The following GABRB1 variants were observed in gnomAD, a reference collection of about 807,000 sequenced individuals.
The protein encoded by GABRB1 is gamma-aminobutyric acid type A receptor subunit beta1, also known as gamma-aminobutyric acid receptor subunit beta-1.
Under a neutral mutation model 51.6 loss-of-function variants are expected in GABRB1, and 17 were observed. That is an observed-to-expected ratio of 0.33 (90% CI 0.23 to 0.49). GABRB1 has a LOEUF of 0.49. Ranked by LOEUF, GABRB1 falls within the 20% of genes least tolerant of loss-of-function variation. The pLI, the probability that GABRB1 is intolerant of heterozygous loss-of-function variation, is 0.99. For missense variants in GABRB1, 410 were observed against 600.6 expected, an observed-to-expected ratio of 0.68 and a Z score of 3.32; for synonymous variants, 247 against 218.9, an observed-to-expected ratio of 1.13 and a Z score of -1.14.
chr4:47,216,644 T>C (rs903545236), intron 4 of GABRB1, among the ~76,000 whole-genome samples: 1 of 152,010 alleles, frequency 6.6e-6, no homozygotes. Flanking sequence ...TGGCAAATAG[T>C]CGTATGATAA....
chr4:47,035,533 A>G (rs1419567936), intron 3 of GABRB1, among the ~76,000 whole-genome samples: 1 of 152,194 alleles, frequency 6.6e-6, no homozygotes, highest in Non-Finnish European at 1.5e-5. Context: ...GATAGCAACT[A>G]CATACTGTTA....
rs570950005 is a variant in GABRB1, at chr4:47,121,405, G to T, written c.241-39844G>T. On this transcript the variant is annotated intron_variant, in intron 3 of 8. Transcript: ENST00000295454. ...TACTCTCTTCAGTGTCTCTTTCAGC[G>T]ATATGAAGTTAAAAAACCAAGTACT... Among the ~76,000 whole-genome samples, 6 of 152,260 alleles carry T rather than the reference G, an allele frequency of 3.9e-5. No homozygotes were observed. The South Asian group carries it at 1.2e-3, about 32-fold the overall frequency.
intron 5 of GABRB1, among the ~76,000 whole-genome samples, chr4:47,328,162 G>GT (rs1430526812): frequency 4.6e-5 from 7 of 151,806 alleles, no homozygotes; most frequent in Admixed American, 2.6e-4. Context: ...GGGGTTGTTT[G>GT]TTTTTTTTCT....
At chr4:47,274,132 C>T (rs1722983866) in intron 4 of GABRB1, among the ~76,000 whole-genome samples, 1 of 152,078 alleles carries the variant, frequency 6.6e-6, no homozygotes, top group Non-Finnish European at 1.5e-5. Flanking sequence ...GCAAGAAAAA[C>T]CCAAATTCCT....
At chr4:47,294,002 G>A (rs750110275) in intron 4 of GABRB1, among the ~76,000 whole-genome samples, 5 of 152,042 alleles carry the variant, frequency 3.3e-5, no homozygotes, top group Admixed American at 3.3e-4. Context: ...TCATTAACAT[G>A]CCCCAAAGCT....
intron 4 of GABRB1, among the ~76,000 whole-genome samples, chr4:47,178,633 A>G (rs576141856): frequency 3.0e-4 from 45 of 152,282 alleles, no homozygotes; most frequent in African/African-American, 1.0e-3. Flanking sequence ...TGCTGAAAAT[A>G]TAAAGAGTCA....
intron 4 of GABRB1, among the ~76,000 whole-genome samples, chr4:47,244,849 G>A (rs940889500): frequency 2.0e-5 from 3 of 152,168 alleles, no homozygotes; most frequent in African/African-American, 7.2e-5. Context: ...AAAGCAGTGT[G>A]TACAGGGAAA....
At chr4:47,425,390 C>CACACAT (rs1296462048) in intron 8 of GABRB1, among the ~76,000 whole-genome samples, 9 of 151,046 alleles carry the variant, frequency 6.0e-5, no homozygotes, top group African/African-American at 1.5e-4. Context: ...CACACACACA[C>CACACAT]ACACACACAC....
intron 3 of GABRB1, among the ~76,000 whole-genome samples, chr4:47,065,714 T>C (rs572496033): frequency 5.5e-4 from 84 of 152,294 alleles, no homozygotes; most frequent in Middle Eastern, 3.4e-3. Context: ...GAACAACTGA[T>C]GGCTGTTATG....
chr4:47,033,270 G>A (rs1483904286), intron 3 of GABRB1, among the ~76,000 whole-genome samples: 1 of 152,204 alleles, frequency 6.6e-6, no homozygotes, highest in Non-Finnish European at 1.5e-5. Flanking sequence ...TTTCAAAGGG[G>A]TCAACATTCT....
In GABRB1 at chr4:47,031,624, A is replaced by T; in HGVS notation, c.-28A>T. The T allele has an allele frequency of 6.3e-7, 1 of 1,581,544 alleles. No homozygotes were observed. Among genetic ancestry groups the T allele is most frequent in the Non-Finnish European group, 8.7e-7 (1 of 1,150,670 alleles). On this transcript the variant is annotated 5_prime_UTR_variant, in exon 1 of 9. Transcript: ENST00000295454. ...TTGCATTCCTTGAATCTTCGCAGAAAAGACAATTCTTTTAATCAGAGTTAG... is the reference window on the plus strand; with the variant it reads ...TTGCATTCCTTGAATCTTCGCAGAATAGACAATTCTTTTAATCAGAGTTAG...
chr4:47,189,926 T>C (rs558429354), intron 4 of GABRB1, among the ~76,000 whole-genome samples: 136 of 152,130 alleles, frequency 8.9e-4, no homozygotes, highest in African/African-American at 3.2e-3. Flanking sequence ...GATGGAGACA[T>C]CTTTGAAGGC....
chr4:47,212,918 G>T (rs1247925134), intron 4 of GABRB1, among the ~76,000 whole-genome samples: 1 of 152,094 alleles, frequency 6.6e-6, no homozygotes. Context: ...CAGAGGTCAA[G>T]GATAAAACAA....
intron 4 of GABRB1, among the ~76,000 whole-genome samples, chr4:47,283,574 G>A (rs1263585015): frequency 6.6e-6 from 1 of 151,060 alleles, no homozygotes; most frequent in East Asian, 2.0e-4. Context: ...ATTTTTGGTA[G>A]AGACGGGGTT....
intron 5 of GABRB1, among the ~76,000 whole-genome samples, chr4:47,366,670 T>C (rs1294656813): frequency 6.6e-6 from 1 of 151,882 alleles, no homozygotes; most frequent in Admixed American, 6.6e-5. Flanking sequence ...TTTTGAAACA[T>C]ATTTTCTTCT....
At chr4:47,259,455 AC>A (rs1722339151) in intron 4 of GABRB1, among the ~76,000 whole-genome samples, 1 of 152,166 alleles carries the variant, frequency 6.6e-6, no homozygotes, top group Non-Finnish European at 1.5e-5. Flanking sequence ...TTTATAGTAT[AC>A]TTTTGCAGGC....
At chr4:47,419,331 T>C (rs1396859350) in intron 8 of GABRB1, among the ~76,000 whole-genome samples, 1 of 152,200 alleles carries the variant, frequency 6.6e-6, no homozygotes, top group Non-Finnish European at 1.5e-5. Context: ...TTTCTTTATA[T>C]GTGAGCCCCT....
chr4:47,070,218 T>C (rs1202388606), intron 3 of GABRB1, among the ~76,000 whole-genome samples: 1 of 151,960 alleles, frequency 6.6e-6, no homozygotes, highest in Non-Finnish European at 1.5e-5. Flanking sequence ...GTATTTTTAG[T>C]AGAGATGTGG....
rs144243536 is a variant in GABRB1, at chr4:47,282,074, T to C, written c.462-38053T>C. Among the ~76,000 whole-genome samples the C allele has an allele frequency of 5.7e-3, 864 of 152,308 alleles. 3 individuals are homozygous for C. Among genetic ancestry groups the C allele is most frequent in the African/African-American group, 0.019 (799 of 41,552 alleles). ...ATTAAAAAAAGATGAATTGTTAAAA[T>C]GATTGATATGCTAATTAATTGATTG... On this transcript the variant is annotated intron_variant, in intron 4 of 8. Transcript: ENST00000295454.
Sources: gnomAD v4.1 joint callset for allele counts (sites outside exome capture counted in the v4.1 genomes callset) on GRCh38, gnomAD v4.1.1 for gene constraint, MANE v1.5 for transcripts, NCBI Gene and HGNC (gene_info 2026-07-23, HGNC 2026-07-21) for gene names.